Variants in MED12 observed in about 807,000 individuals in gnomAD.
The protein encoded by MED12 is mediator complex subunit 12.
A neutral mutation model predicts 177.7 loss-of-function variants in MED12; 10 were observed. The ratio of observed to expected loss-of-function variants is 0.06; its 90% CI spans 0.03 to 0.10. The LOEUF (loss-of-function observed/expected upper bound fraction) is 0.10. Ranked by LOEUF, MED12 falls within the 10% of genes least tolerant of loss-of-function variation. MED12 has a pLI of 1.00. For synonymous variants in MED12, 641 were observed against 678.4 expected (o/e 0.94, Z 0.86); for missense variants, 867 against 1,780.8 (o/e 0.49, Z 9.23).
intron 26 of MED12, 34 bp downstream of exon 26, chrX:71,129,463 G>A (rs753028485): frequency 3.4e-5 from 35 of 1,043,700 alleles, no homozygotes; most frequent in Non-Finnish European, 4.6e-5. Flanking sequence ...TGCCAGAAGT[G>A]TGTATAGGGT....
chrX:71,133,550 T>G (rs750580792), intron 33 of MED12, among the ~76,000 whole-genome samples: 22 of 110,396 alleles, frequency 2.0e-4, no homozygotes, highest in Non-Finnish European at 3.8e-4. Flanking sequence ...GTCAGGCTGG[T>G]CTTGAACTCC....
At chrX:71,139,058 C>G (rs1246962220) in intron 41 of MED12, among the ~76,000 whole-genome samples, 2 of 112,025 alleles carry the variant, frequency 1.8e-5, no homozygotes, top group Non-Finnish European at 3.8e-5. Flanking sequence ...AAAAAACCCC[C>G]ACGATACATA....
intron 33 of MED12, among the ~76,000 whole-genome samples, chrX:71,134,155 C>T (rs942861647): frequency 3.1e-4 from 32 of 102,477 alleles, no homozygotes; most frequent in Non-Finnish European, 6.1e-4. Flanking sequence ...GGCGTGAACC[C>T]GGGAGGCGGA....
At position 71,136,571 on chromosome X, in the gene MED12, G is replaced by A. The variant is rs398124199; in HGVS notation, c.5316G>A (p.Pro1772=). Residue 1772 remains proline (P), a synonymous_variant, in exon 37 of 45, where the codon CCG becomes CCA. Transcript: ENST00000374080. ...CAGAGCCCCCCAAAACTGACAAACC[G>A]GGGGCTGCTCCACCCAGTACTGAGG... is the stretch of plus-strand genomic sequence containing the variant. The part of the protein sequence containing the change: ...KAPEPPKTDK[P]GAAPPSTEER... The A allele has an allele frequency of 9.2e-6, 11 of 1,200,944 alleles. No individual in the cohort carries two copies. Among genetic ancestry groups the A allele is most frequent in the South Asian group, 3.6e-5 (2 of 55,586 alleles).
chrX:71,141,452 A>T, intron 43 of MED12, 82 bp downstream of exon 43: 1 of 1,112,412 alleles, frequency 9.0e-7, no homozygotes, highest in Admixed American at 2.6e-5. Flanking sequence ...TGGGGACAGT[A>T]TGGAATAGGG....
chrX:71,140,520 G>A (rs917932302), intron 41 of MED12, 115 bp from the exon 42 acceptor site: 23 of 1,181,285 alleles, frequency 1.9e-5, no homozygotes, highest in Middle Eastern at 4.7e-4. Flanking sequence ...AGTGACACGA[G>A]GAATGAATGA....
At chrX:71,132,767 C>CCTCTTCTCTTCTCTCCTCTT in intron 31 of MED12, 78 bp from the exon 32 acceptor site, 2 of 662,670 alleles carry the variant, frequency 3.0e-6, no homozygotes, top group Non-Finnish European at 4.5e-6. Context: ...CCTCTTCTCT[C>CCTCTTCTCTTCTCTCCTCTT]CTCTTCTCTT....
Position 71,128,770 on chromosome X carries a change from C to T in MED12, c.3475+52C>T, listed in dbSNP as rs146560693. 460 of 1,181,713 alleles carry T rather than the reference C, an allele frequency of 3.9e-4. 6 individuals are homozygous for T. The East Asian group carries it at 8.1e-3, about 21-fold the overall frequency. On this transcript the variant is annotated intron_variant, in intron 24 of 44. Coordinates refer to ENST00000374080, the MANE Select transcript of MED12 (RefSeq NM_005120.3). ...CATTTCTAGACCTCAAATTTCAATA[C>T]ACACTGGACGGCCATCCTCTCATTG...
At chrX:71,130,660 G>A (rs939165813) in intron 28 of MED12, among the ~76,000 whole-genome samples, 1 of 112,634 alleles carries the variant, frequency 8.9e-6, no homozygotes, top group Non-Finnish European at 1.9e-5. Flanking sequence ...CTGTTTGACC[G>A]ATGAGGAAAC....
At chrX:71,119,010 G>A (rs760027341) in intron 1 of MED12, among the ~76,000 whole-genome samples, 157 bp downstream of exon 1, 4 of 106,814 alleles carry the variant, frequency 3.7e-5, no homozygotes, top group Non-Finnish European at 7.8e-5. Context: ...GGGCAGGACG[G>A]GGGGCGGTGG....
chrX:71,122,098 A>G, intron 7 of MED12, 102 bp from the exon 8 acceptor site: 1 of 1,070,251 alleles, frequency 9.3e-7, no homozygotes, highest in Non-Finnish European at 1.3e-6. Flanking sequence ...GGACCCAGTC[A>G]GAATAACTTT....
At chrX:71,135,862 G>A (rs1325267333) in intron 36 of MED12, among the ~76,000 whole-genome samples, 2 of 108,426 alleles carry the variant, frequency 1.8e-5, no homozygotes, top group Non-Finnish European at 3.8e-5. Flanking sequence ...ACTCTTTCTC[G>A]GCCTGCCTAA....
At chrX:71,135,685 G>A (rs1412839321) in intron 36 of MED12, among the ~76,000 whole-genome samples, 1 of 111,512 alleles carries the variant, frequency 9.0e-6, no homozygotes. Context: ...ATTGTGTATA[G>A]TTTAAAACCC....
intron 41 of MED12, among the ~76,000 whole-genome samples, chrX:71,140,434 C>G (rs1261582772): frequency 3.6e-5 from 4 of 110,983 alleles, no homozygotes; most frequent in Non-Finnish European, 7.5e-5. Context: ...TGAAAAATTC[C>G]TAACCATTAA....
chrX:71,137,803 C>T lies in MED12; in HGVS notation c.5904C>T (p.Tyr1968=), dbSNP rs2092336448. The change falls in exon 41 of 45, where the codon TAC becomes TAT. Residue 1968 remains tyrosine (Y), a synonymous_variant. Coordinates refer to ENST00000374080, the MANE Select transcript of MED12 (RefSeq NM_005120.3). ...GPAGTMVPPS[Y]SSQPYQSTHP... is the part of the protein sequence containing the mutation. ...CAGGTACCATGGTGCCCCCCAGCTA[C>T]TCCAGCCAGCCTTACCAGAGCACCC... The T allele has an allele frequency of 3.3e-6, 4 of 1,211,654 alleles. No individual in the cohort carries two copies. The African/African-American group carries it at 6.9e-5, about 21-fold the overall frequency.
At chrX:71,139,989 G>T (rs1225630615) in intron 41 of MED12, among the ~76,000 whole-genome samples, 1 of 111,085 alleles carries the variant, frequency 9.0e-6, no homozygotes, top group Non-Finnish European at 1.9e-5. Context: ...AATGTTATTT[G>T]GGAACAACAA....
Position 71,134,707 on chromosome X carries a change from T to A in MED12, c.4728-6T>A. 1 of 1,211,343 alleles carries A rather than the reference T, an allele frequency of 8.3e-7. No individual in the cohort carries two copies. The highest frequency in any genetic ancestry group is 1.7e-5 in the African/African-American group (1 of 57,670). On this transcript the variant is annotated splice_polypyrimidine_tract_variant and splice_region_variant and intron_variant, in intron 34 of 44. Coordinates refer to ENST00000374080, the MANE Select transcript of MED12 (RefSeq NM_005120.3). ...CTTTGGTTTTCTCTCTGGCTTCCTG[T>A]CTCAGTGAGCTCTTCACTACTGTGT...
At chrX:71,132,660 G>GCA in intron 31 of MED12, 122 bp downstream of exon 31, 1 of 952,894 alleles carries the variant, frequency 1.0e-6, no homozygotes, top group Admixed American at 2.7e-5. Context: ...GAGGATAAGA[G>GCA]TGGGCATGGC....
At chrX:71,132,757 C>CTCTTCTCTT in intron 31 of MED12, 88 bp from the exon 32 acceptor site, 1 of 729,130 alleles carries the variant, frequency 1.4e-6, no homozygotes, top group South Asian at 2.6e-5. Flanking sequence ...TTTCTCCTCT[C>CTCTTCTCTT]CTCTTCTCTC....
Sources: allele counts gnomAD v4.1 joint callset (sites outside exome capture counted in the v4.1 genomes callset), GRCh38; gene constraint gnomAD v4.1.1; transcripts MANE v1.5; gene names NCBI Gene and HGNC (gene_info 2026-07-23, HGNC 2026-07-21).